The following HIVEP2 variants were observed in gnomAD, a reference collection of about 807,000 sequenced individuals.
HIVEP2 encodes the protein transcription factor HIVEP2.
In HIVEP2, 14 loss-of-function variants were observed where a neutral mutation model predicts 180.7. The ratio of observed to expected loss-of-function variants is 0.08; its 90% CI spans 0.05 to 0.12. The LOEUF (loss-of-function observed/expected upper bound fraction) is 0.12. Ranked by LOEUF, HIVEP2 falls within the 10% of genes least tolerant of loss-of-function variation. The pLI is 1.00. For synonymous variants in HIVEP2, 1,184 were observed against 1,136.4 expected, an observed-to-expected ratio of 1.04 and a Z score of -0.84; for missense variants, 2,579 against 3,008.5, an observed-to-expected ratio of 0.86 and a Z score of 3.34.
At chr6:142,921,920 CTAAT>C (rs1777691661) in intron 1 of HIVEP2, among the ~76,000 whole-genome samples, 1 of 152,204 alleles carries the variant, frequency 6.6e-6, no homozygotes, top group Admixed American at 6.5e-5. Flanking sequence ...TGGCAATTTC[CTAAT>C]TATTAATCAC....
chr6:142,797,482 C>G (rs751559418), intron 2 of HIVEP2, among the ~76,000 whole-genome samples: 16 of 152,100 alleles, frequency 1.1e-4, no homozygotes, highest in Non-Finnish European at 1.9e-4. Context: ...CAATATCACC[C>G]AAAACTGTAA....
chr6:142,821,798 T>A (rs1777046943), intron 2 of HIVEP2, among the ~76,000 whole-genome samples: 1 of 152,164 alleles, frequency 6.6e-6, no homozygotes, highest in Non-Finnish European at 1.5e-5. Flanking sequence ...AGGCTAAATA[T>A]TCTATTGTTT....
chr6:142,878,532 G>A (rs1776502209), intron 1 of HIVEP2, among the ~76,000 whole-genome samples: 1 of 152,140 alleles, frequency 6.6e-6, no homozygotes, highest in Non-Finnish European at 1.5e-5. Flanking sequence ...TGCCGGCAGT[G>A]GTCAAAAGCT....
chr6:142,761,832 A>C (rs756208287), intron 7 of HIVEP2, among the ~76,000 whole-genome samples: 6 of 152,192 alleles, frequency 3.9e-5, no homozygotes, highest in Non-Finnish European at 7.4e-5. Context: ...TCTTTTCAAG[A>C]GTAGGCTCAA....
chr6:142,820,576 T>G (rs2114829322), intron 2 of HIVEP2, among the ~76,000 whole-genome samples: 1 of 152,322 alleles, frequency 6.6e-6, no homozygotes, highest in East Asian at 1.9e-4. Flanking sequence ...TGAATTCAAG[T>G]CTTACAGCAA....
upstream of HIVEP2, among the ~76,000 whole-genome samples, chr6:142,945,462 A>C (rs961594719): frequency 7.9e-5 from 12 of 152,032 alleles, no homozygotes; most frequent in Non-Finnish European, 1.5e-4. This position sits in a 1 kb window ranked among gnomAD's most constrained non-coding sequence, Gnocchi z 5.5. Flanking sequence ...CGAAGGAGGC[A>C]GGAAAAACCC....
intron 2 of HIVEP2, among the ~76,000 whole-genome samples, chr6:142,795,653 A>G (rs1776261627): frequency 6.6e-6 from 1 of 152,202 alleles, no homozygotes; most frequent in South Asian, 2.1e-4. Context: ...ACAGGTAACT[A>G]GCAATACAAT....
chr6:142,772,078 C>T lies in HIVEP2; in HGVS notation c.2661G>A (p.Gln887=), dbSNP rs1775559762. 2 of 1,614,174 alleles carry T rather than the reference C, an allele frequency of 1.2e-6. No individual in the cohort carries two copies. Among genetic ancestry groups the T allele is most frequent in the East Asian group, 2.2e-5 (1 of 44,876 alleles). ...CCTCGGTCACTCGAATCTCAGGAACCTGGATGTTGTGTTGCCGAACTAGCC... is the reference window on the plus strand; with the variant it reads ...CCTCGGTCACTCGAATCTCAGGAACTTGGATGTTGTGTTGCCGAACTAGCC... The part of the protein sequence containing the change: ...QPRLVRQHNI[Q]VPEIRVTEEP... Residue 887 remains glutamine (Q), a synonymous_variant, in exon 5 of 10, where the codon CAG becomes CAA. Coordinates refer to ENST00000367603, the MANE Select transcript of HIVEP2 (RefSeq NM_006734.4). This position sits in a 1 kb window ranked among gnomAD's most constrained non-coding sequence, Gnocchi z 4.9.
chr6:142,838,478 C>A (rs1034505138), intron 1 of HIVEP2, among the ~76,000 whole-genome samples: 2 of 152,104 alleles, frequency 1.3e-5, no homozygotes, highest in Non-Finnish European at 2.9e-5. Flanking sequence ...AATGATTCAA[C>A]ACACACATTT....
intron 1 of HIVEP2, among the ~76,000 whole-genome samples, chr6:142,864,549 G>A (rs73777810): frequency 4.7e-4 from 71 of 152,068 alleles, no homozygotes; most frequent in African/African-American, 1.6e-3. Context: ...TATTGTACAT[G>A]CACATAGAGG....
At chr6:142,851,409 G>A (rs1775668780) in intron 1 of HIVEP2, among the ~76,000 whole-genome samples, 1 of 152,180 alleles carries the variant, frequency 6.6e-6, no homozygotes, top group Non-Finnish European at 1.5e-5. Context: ...TAAAAGTTTG[G>A]GCTGACTACT....
intron 2 of HIVEP2, among the ~76,000 whole-genome samples, chr6:142,828,492 A>G (rs920775445): frequency 6.6e-6 from 1 of 151,720 alleles, no homozygotes. Context: ...GCTGGAGTGC[A>G]GTAGAGCGAT....
chr6:142,855,095 G>C (rs1775784540), intron 1 of HIVEP2, among the ~76,000 whole-genome samples: 1 of 152,162 alleles, frequency 6.6e-6, no homozygotes, highest in Admixed American at 6.5e-5. Flanking sequence ...AAGGGAATTG[G>C]CTCCAAAGAA....
chr6:142,888,023 C>T (rs1303062728), intron 1 of HIVEP2, among the ~76,000 whole-genome samples: 4 of 151,994 alleles, frequency 2.6e-5, no homozygotes, highest in Non-Finnish European at 5.9e-5. Flanking sequence ...AATTCATTCC[C>T]CTATGTCACT....
rs560677626 is a variant in HIVEP2, at chr6:142,942,002, C to T, written c.-641+3097G>A. ...GCCTGTCTGATCCACAGCCATATAT[C>T]CGATTGACCTTAGCCACTTTTCCCT... is the stretch of plus-strand genomic sequence containing the variant. On this transcript the variant is annotated intron_variant, in intron 1 of 9. Coordinates refer to ENST00000367603, the MANE Select transcript of HIVEP2 (RefSeq NM_006734.4). Among the ~76,000 whole-genome samples, 3 of 152,228 alleles carry T rather than the reference C, an allele frequency of 2.0e-5. No individual in the cohort carries two copies. The East Asian group carries it at 5.8e-4, about 29-fold the overall frequency.
chr6:142,797,247 A>G (rs1019450558), intron 2 of HIVEP2, among the ~76,000 whole-genome samples: 1 of 152,150 alleles, frequency 6.6e-6, no homozygotes, highest in Non-Finnish European at 1.5e-5. Context: ...GTTCTGGATG[A>G]AAAATTAAAA....
intron 2 of HIVEP2, among the ~76,000 whole-genome samples, chr6:142,835,357 G>A (rs1040967722): frequency 3.3e-5 from 5 of 152,096 alleles, no homozygotes; most frequent in Non-Finnish European, 7.4e-5. Flanking sequence ...TAAAACAGTC[G>A]CTTGAACATA....
chr6:142,847,242 T>C (rs1029059400), intron 1 of HIVEP2, among the ~76,000 whole-genome samples: 2 of 152,324 alleles, frequency 1.3e-5, no homozygotes, highest in South Asian at 4.1e-4. Context: ...TTTTACTTGA[T>C]TGCATAAAAC....
rs1424349402 is a variant in HIVEP2, at chr6:142,774,252, T to C, written c.487A>G (p.Ser163Gly). ...TCAATACTTTTCTGGGAGTATTGGC[T>C]ATAAGCAGGGTTCAGACTTGAAATC... The part of the protein sequence containing the change: ...KKISSLNPAY[S>G]QYSQKSIEQA... The change falls in exon 5 of 10, where the codon AGC (serine) becomes GGC (glycine). Residue 163 changes from serine (S) to glycine (G), a missense_variant. Physicochemically the swap from Ser to Gly is moderately conservative, Grantham distance 56 (BLOSUM62 0). Coordinates refer to ENST00000367603, the MANE Select transcript of HIVEP2 (RefSeq NM_006734.4). The surrounding 1 kb of genome is among the most constrained non-coding windows in gnomAD (Gnocchi z 5.1). 1.9e-6 allele frequency: 3 copies of C among 1,614,178 alleles called. No homozygotes were observed. The African/African-American group carries it at 4.0e-5, about 22-fold the overall frequency.
Sources: gnomAD v4.1 joint callset for allele counts (sites outside exome capture counted in the v4.1 genomes callset) on GRCh38, gnomAD v4.1.1 for gene constraint, Gnocchi (gnomAD v3.1) non-coding constraint, MANE v1.5 for transcripts, NCBI Gene and HGNC (gene_info 2026-07-23, HGNC 2026-07-21) for gene names.